Variants in FRMD4A observed in about 807,000 individuals in gnomAD.
FRMD4A encodes the protein FERM domain containing 4A, also known as FERM domain-containing protein 4A.
Under a neutral mutation model 129.1 loss-of-function variants are expected in FRMD4A, and 29 were observed. The observed-to-expected ratio is 0.22, with a 90% confidence interval of 0.17 to 0.31. The LOEUF (loss-of-function observed/expected upper bound fraction) is 0.31, where lower values mean the gene tolerates loss of function less well. Among genes scored for constraint, FRMD4A ranks in the 10% least tolerant of loss-of-function variants. The probability of loss-of-function intolerance (pLI) is 1.00; values close to 1 mark genes in which losing one functional copy is unlikely to be tolerated. For missense variants in FRMD4A, 1,272 were observed against 1,375.8 expected (o/e 0.92, Z 1.19); for synonymous variants, 634 against 571.6 (o/e 1.11, Z -1.56).
intron 2 of FRMD4A, among the ~76,000 whole-genome samples, chr10:14,006,638 C>T (rs1044762325): frequency 3.3e-5 from 5 of 152,140 alleles, no homozygotes; most frequent in African/African-American, 1.2e-4. Flanking sequence ...AGCCCTAAGG[C>T]ACACAATTCA....
At chr10:13,736,540 A>G (rs2090639273) in intron 12 of FRMD4A, among the ~76,000 whole-genome samples, 1 of 152,224 alleles carries the variant, frequency 6.6e-6, no homozygotes, top group South Asian at 2.1e-4. Context: ...CTTACTGATC[A>G]ATGGAGTAAA....
At chr10:14,286,698 G>A (rs777312504) in intron 2 of FRMD4A, among the ~76,000 whole-genome samples, 1 of 152,100 alleles carries the variant, frequency 6.6e-6, no homozygotes, top group Non-Finnish European at 1.5e-5. Flanking sequence ...CCCTTTGGAG[G>A]CCGTAATCTT....
chr10:13,982,107 T>A (rs2095563720), intron 2 of FRMD4A, among the ~76,000 whole-genome samples: 1 of 152,134 alleles, frequency 6.6e-6, no homozygotes, highest in Admixed American at 6.6e-5. Flanking sequence ...ACCAGAACCC[T>A]TTTTTCCCAA....
intron 12 of FRMD4A, among the ~76,000 whole-genome samples, chr10:13,724,217 T>TAA (rs1188324062): frequency 2.0e-3 from 304 of 152,226 alleles, no homozygotes; most frequent in African/African-American, 6.5e-3. Context: ...TGAAACCCTG[T>TAA]CTCTACTAAA....
chr10:14,005,163 T>TA (rs924348100), intron 2 of FRMD4A, among the ~76,000 whole-genome samples: 4 of 152,006 alleles, frequency 2.6e-5, no homozygotes, highest in African/African-American at 9.7e-5. Flanking sequence ...GCTGGGATTA[T>TA]AAGCGCATAC....
At chr10:13,962,973 G>GTTGT (rs2095455777) in intron 2 of FRMD4A, among the ~76,000 whole-genome samples, 1 of 152,154 alleles carries the variant, frequency 6.6e-6, no homozygotes, top group African/African-American at 2.4e-5. Flanking sequence ...GAGCTGTTAG[G>GTTGT]TTGTTTGCAA....
chr10:14,180,572 C>T (rs924753336), intron 2 of FRMD4A, among the ~76,000 whole-genome samples: 6 of 152,146 alleles, frequency 3.9e-5, no homozygotes, highest in African/African-American at 1.4e-4. Flanking sequence ...CAGCTGAGCC[C>T]AGCCTACATC....
At position 14,067,379 on chromosome 10, in the gene FRMD4A, A is replaced by G. The variant is rs562407543; in HGVS notation, c.46-208467T>C. ...AAGTATTTAGACAATAACAACCAGT[A>G]TAGAGGGGAACAGGAAAGATTTATT... On this transcript the variant is annotated intron_variant, in intron 2 of 24. Coordinates refer to ENST00000357447, the MANE Select transcript of FRMD4A (RefSeq NM_018027.5). 2.6e-5 allele frequency among the ~76,000 whole-genome samples: 4 copies of G among 152,282 alleles called. No homozygotes were observed. The South Asian group carries it at 8.3e-4, about 32-fold the overall frequency.
intron 2 of FRMD4A, among the ~76,000 whole-genome samples, chr10:13,917,587 G>T (rs1317390266): frequency 6.6e-6 from 1 of 152,110 alleles, no homozygotes; most frequent in Non-Finnish European, 1.5e-5. Context: ...ACCATGCCCG[G>T]CCCACAGATT....
intron 2 of FRMD4A, among the ~76,000 whole-genome samples, chr10:13,899,935 T>C (rs980660799): frequency 2.0e-5 from 3 of 152,228 alleles, no homozygotes; most frequent in Non-Finnish European, 4.4e-5. Flanking sequence ...CTGCACCATA[T>C]GGACATAGCT....
intron 24 of FRMD4A, chr10:13,651,028 C>G (rs55771642): frequency 0.048 from 7,259 of 152,284 alleles, 484 homozygotes; most frequent in African/African-American, 0.14. Context: ...TGATTTCAAG[C>G]CCTTGTGTCC....
chr10:13,842,655 C>T (rs530701339), intron 3 of FRMD4A, among the ~76,000 whole-genome samples: 40 of 152,274 alleles, frequency 2.6e-4, no homozygotes, highest in South Asian at 1.5e-3. Context: ...CTCTTAAGTG[C>T]TGGTATATTT....
At chr10:13,968,716 A>C (rs1036974027) in intron 2 of FRMD4A, among the ~76,000 whole-genome samples, 4 of 152,232 alleles carry the variant, frequency 2.6e-5, no homozygotes, top group Admixed American at 1.3e-4. Flanking sequence ...GGCCTCCCAA[A>C]GTGCTAGGAT....
intron 2 of FRMD4A, among the ~76,000 whole-genome samples, chr10:13,946,922 C>T (rs892293242): frequency 1.1e-4 from 17 of 152,084 alleles, no homozygotes; most frequent in Non-Finnish European, 1.5e-4. Flanking sequence ...AAGAGGAAGG[C>T]AGACATGGGA....
chr10:13,847,512 T>TCCCC (rs1490556757), intron 3 of FRMD4A, among the ~76,000 whole-genome samples: 6 of 145,184 alleles, frequency 4.1e-5, no homozygotes, highest in South Asian at 2.4e-4. Context: ...CCCTCCCTCC[T>TCCCC]TCCCTCCCTC....
intron 2 of FRMD4A, among the ~76,000 whole-genome samples, chr10:14,306,525 C>A (rs1344490659): frequency 6.6e-6 from 1 of 152,194 alleles, no homozygotes; most frequent in African/African-American, 2.4e-5. Flanking sequence ...ATTATAATAG[C>A]AGGTCCTGAG....
chr10:13,890,920 G>C, intron 2 of FRMD4A: 3 of 930,146 alleles, frequency 3.2e-6, no homozygotes, highest in Non-Finnish European at 3.8e-6. Context: ...CAGTTACTCT[G>C]CTAACAGGGT....
intron 2 of FRMD4A, among the ~76,000 whole-genome samples, chr10:14,151,403 G>C (rs1840332429): frequency 6.6e-6 from 1 of 152,164 alleles, no homozygotes. Context: ...TGAACTAACA[G>C]GAAGCACAAA....
chr10:14,141,572 C>A (rs939308947), intron 2 of FRMD4A, among the ~76,000 whole-genome samples: 1 of 92,454 alleles, frequency 1.1e-5, no homozygotes, highest in Non-Finnish European at 2.3e-5. Context: ...TGCCCCTAAC[C>A]CCTTCTCTAC....
Sources: gnomAD v4.1 joint callset for allele counts (sites outside exome capture counted in the v4.1 genomes callset) on GRCh38, gnomAD v4.1.1 for gene constraint, MANE v1.5 for transcripts, NCBI Gene and HGNC (gene_info 2026-07-23, HGNC 2026-07-21) for gene names.